Variants in UBE2E2 observed in about 807,000 individuals in gnomAD.
UBE2E2 encodes ubiquitin-conjugating enzyme E2 E2.
Under a neutral mutation model 24.7 loss-of-function variants are expected in UBE2E2, and 6 were observed. The observed-to-expected ratio is 0.24, with a 90% confidence interval of 0.13 to 0.48. The LOEUF (loss-of-function observed/expected upper bound fraction) is 0.48. Ranked by LOEUF, UBE2E2 falls within the 20% of genes least tolerant of loss-of-function variation. The pLI is 0.99. For synonymous variants in UBE2E2, 104 were observed against 83.6 expected (o/e 1.24, Z -1.33); for missense variants, 169 against 245.0 (o/e 0.69, Z 2.07).
Position 23,318,219 on chromosome 3 carries a change from C to T in UBE2E2, c.227+100907C>T, listed in dbSNP as rs185956503. Among the ~76,000 whole-genome samples the T allele has an allele frequency of 1.4e-3, 206 of 152,108 alleles. 1 individual carries two copies. The highest frequency in any genetic ancestry group is 1.2e-3 in the Non-Finnish European group (84 of 68,010). ...TTGCTCTGTCTCCCAGGCTGGAGTG[C>T]AGTGGTGTGATCACAGCTTACTGCA... On this transcript the variant is annotated intron_variant, in intron 3 of 5. Transcript: ENST00000396703.
In UBE2E2 at chr3:23,329,331, G is replaced by A. The variant is rs896040949; in HGVS notation, c.227+112019G>A. The stretch of plus-strand genomic sequence containing the variant: ...CATTCAATAAATTTTATCAGTTGCT[G>A]TGGGGGATAAAATTATATATAATTT... On this transcript the variant is annotated intron_variant, in intron 3 of 5. Transcript: ENST00000396703. Among the ~76,000 whole-genome samples, 10 of 152,296 alleles carry A rather than the reference G, an allele frequency of 6.6e-5. No individual in the cohort carries two copies. The East Asian group carries it at 1.5e-3, about 24-fold the overall frequency.
At chr3:23,550,030 C>T (rs1967172) in intron 5 of UBE2E2, among the ~76,000 whole-genome samples, 19 of 135,992 alleles carry the variant, frequency 1.4e-4, no homozygotes, top group South Asian at 1.4e-3. Context: ...GAGACTCCAT[C>T]TCAAAAAAAA....
intron 3 of UBE2E2, among the ~76,000 whole-genome samples, chr3:23,274,271 A>G (rs1698323548): frequency 6.6e-6 from 1 of 152,152 alleles, no homozygotes; most frequent in Non-Finnish European, 1.5e-5. Flanking sequence ...GGATTCATTA[A>G]GAAAATGATT....
chr3:23,254,148 A>G (rs1244280044), intron 3 of UBE2E2, among the ~76,000 whole-genome samples: 2 of 152,212 alleles, frequency 1.3e-5, no homozygotes, highest in East Asian at 1.9e-4. Context: ...CTCCAGGCAT[A>G]TATCTGGTGG....
intron 3 of UBE2E2, among the ~76,000 whole-genome samples, chr3:23,371,958 A>C (rs1696410360): frequency 6.6e-6 from 1 of 152,016 alleles, no homozygotes; most frequent in African/African-American, 2.4e-5. Flanking sequence ...TCTCTACTAA[A>C]AATATAAAAA....
chr3:23,493,682 A>G (rs969726992), intron 3 of UBE2E2, among the ~76,000 whole-genome samples: 1 of 152,214 alleles, frequency 6.6e-6, no homozygotes, highest in African/African-American at 2.4e-5. Context: ...TGGATTTCCT[A>G]AGAGTGGCAG....
chr3:23,466,821 C>G (rs1330479050), intron 3 of UBE2E2, among the ~76,000 whole-genome samples: 2 of 152,032 alleles, frequency 1.3e-5, no homozygotes, highest in Non-Finnish European at 2.9e-5. Flanking sequence ...CCCACCTCAG[C>G]CTCCCACAGT....
chr3:23,262,075 A>G (rs1341626859), intron 3 of UBE2E2, among the ~76,000 whole-genome samples: 1 of 152,146 alleles, frequency 6.6e-6, no homozygotes, highest in Non-Finnish European at 1.5e-5. Flanking sequence ...CTACCAGTTT[A>G]CATTCCCCAC....
At position 23,589,991 on chromosome 3, in the gene UBE2E2, C is replaced by T; in HGVS notation, c.*160C>T. ...TGTTGTCCATCTTCCCATCCCAGTT[C>T]TTCCTGCCCCCCTTCCTCTCTCCCA... On this transcript the variant is annotated 3_prime_UTR_variant, in exon 6 of 6. Coordinates refer to ENST00000396703, the MANE Select transcript of UBE2E2 (RefSeq NM_152653.4). This position sits in a 1 kb window ranked among gnomAD's most constrained non-coding sequence, Gnocchi z 4.1. 22 of 577,478 alleles carry T rather than the reference C, an allele frequency of 3.8e-5. No individual in the cohort carries two copies. Among genetic ancestry groups the T allele is most frequent in the Admixed American group, 1.2e-4 (4 of 33,506 alleles). The allele number at this position is 577,478 out of a possible 1,614,324, so 35.8% of individuals were successfully genotyped here.
chr3:23,584,639 G>A (rs887201470), intron 5 of UBE2E2, among the ~76,000 whole-genome samples: 6 of 150,046 alleles, frequency 4.0e-5, no homozygotes, highest in Non-Finnish European at 8.9e-5. Context: ...CTGTAATCAC[G>A]ACCCCCTGGG....
chr3:23,226,350 CTAAT>C (rs1177195373), intron 3 of UBE2E2, among the ~76,000 whole-genome samples: 1 of 152,144 alleles, frequency 6.6e-6, no homozygotes, highest in Non-Finnish European at 1.5e-5. Flanking sequence ...ATTATTGTCA[CTAAT>C]TATTTTTCTT....
chr3:23,304,134 T>G (rs1699180633), intron 3 of UBE2E2, among the ~76,000 whole-genome samples: 1 of 152,206 alleles, frequency 6.6e-6, no homozygotes, highest in Non-Finnish European at 1.5e-5. Flanking sequence ...ATTTCACTGT[T>G]TACCTTGTAT....
chr3:23,381,380 G>A (rs989527977), intron 3 of UBE2E2, among the ~76,000 whole-genome samples: 2 of 150,996 alleles, frequency 1.3e-5, no homozygotes, highest in Non-Finnish European at 2.9e-5. Context: ...CACTGTCCAT[G>A]GAGAAGAAAA....
chr3:23,516,432 C>T (rs1390150358), intron 4 of UBE2E2, among the ~76,000 whole-genome samples: 1 of 151,994 alleles, frequency 6.6e-6, no homozygotes, highest in Non-Finnish European at 1.5e-5. Flanking sequence ...AGAAGAAAAG[C>T]CTAATAACAC....
chr3:23,573,209 G>C (rs1696265429), intron 5 of UBE2E2, among the ~76,000 whole-genome samples: 1 of 152,182 alleles, frequency 6.6e-6, no homozygotes, highest in Admixed American at 6.5e-5. Flanking sequence ...TAGGAAGCTT[G>C]TGTATGATAA....
intron 3 of UBE2E2, among the ~76,000 whole-genome samples, chr3:23,404,356 A>T (rs570924524): frequency 9.1e-4 from 139 of 152,308 alleles, no homozygotes; most frequent in African/African-American, 3.1e-3. Flanking sequence ...CATGACATTC[A>T]TTCATCAAAA....
At chr3:23,571,280 C>CTTTCTTTTTTTTTTT (rs1696218039) in intron 5 of UBE2E2, among the ~76,000 whole-genome samples, 5 of 29,884 alleles carry the variant, frequency 1.7e-4, no homozygotes, top group African/African-American at 5.1e-4. Flanking sequence ...GTGCTCCTTT[C>CTTTCTTTTTTTTTTT]TTTTTTTTTT....
chr3:23,317,421 C>T (rs1694611752), intron 3 of UBE2E2, among the ~76,000 whole-genome samples: 2 of 152,196 alleles, frequency 1.3e-5, no homozygotes, highest in South Asian at 4.1e-4. Flanking sequence ...CCCCCAAGTG[C>T]ACAGATTGTC....
rs1696106854 is a variant in UBE2E2 at position 23,361,286 on chromosome 3, C to G, written c.228-138322C>G. Among the ~76,000 whole-genome samples the G allele has an allele frequency of 2.0e-5, 3 of 152,148 alleles. No homozygotes were observed. In the South Asian group the frequency reaches 6.2e-4, roughly 32 times the overall value. ...CAGTGTGGAGATTCCTTAAAGAACT[C>G]AAAGTAGAACTACTATTTGATCCAG... is the stretch of plus-strand genomic sequence containing the variant. On this transcript the variant is annotated intron_variant, in intron 3 of 5. Transcript: ENST00000396703.
Sources: allele counts gnomAD v4.1 joint callset (sites outside exome capture counted in the v4.1 genomes callset), GRCh38; gene constraint gnomAD v4.1.1; non-coding constraint Gnocchi (gnomAD v3.1); transcripts MANE v1.5; gene names NCBI Gene and HGNC (gene_info 2026-07-23, HGNC 2026-07-21).